TRIOBP: variants seen among roughly 807,000 people sequenced by gnomAD.
TRIOBP encodes TRIO and F-actin binding protein, also known as TRIO and F-actin-binding protein.
TRIOBP carries 169 observed loss-of-function variants against 238.8 expected under a neutral mutation model. The observed-to-expected ratio is 0.71, with a 90% CI of 0.62 to 0.80. The LOEUF is 0.80. Ranked by LOEUF, TRIOBP falls within the 30% of genes least tolerant of loss-of-function variation. The probability of loss-of-function intolerance (pLI) is 0.00; values close to 1 mark genes in which losing one functional copy is unlikely to be tolerated. For synonymous variants in TRIOBP, 1,150 were observed against 1,274.4 expected (o/e 0.90, Z 2.08); for missense variants, 2,838 against 3,122.6 (o/e 0.91, Z 2.17).
intron 7 of TRIOBP, among the ~76,000 whole-genome samples, chr22:37,730,946 CAAAA>C (rs11316099): frequency 2.4e-5 from 2 of 83,844 alleles, no homozygotes; most frequent in Non-Finnish European, 2.3e-5. Context: ...GACTCCATCT[CAAAA>C]AAAAAAAAAA....
Position 37,715,910 on chromosome 22 carries a change from G to C in TRIOBP, c.604G>C (p.Asp202His), listed in dbSNP as rs1165334985. 5.0e-6 allele frequency: 8 copies of C among 1,612,962 alleles called. No individual in the cohort carries two copies. The South Asian group carries it at 8.8e-5, about 18-fold the overall frequency. The change falls in exon 6 of 24, where the codon GAT (aspartate) becomes CAT (histidine). Residue 202 changes from aspartate to histidine, a missense_variant. Transcript: ENST00000644935. The part of the protein sequence containing the change: ...SLLTRSPVGG[D>H]AAGQKKEDTG... ...CCTCACCAGGTCCCCTGTGGGAGGAGATGCTGCAGGCCAGAAAAAGGAGGG... is the reference window on the plus strand; with the variant it reads ...CCTCACCAGGTCCCCTGTGGGAGGACATGCTGCAGGCCAGAAAAAGGAGGG...
At chr22:37,743,127 TG>T (rs1453232892) in intron 11 of TRIOBP, among the ~76,000 whole-genome samples, 3 of 152,124 alleles carry the variant, frequency 2.0e-5, no homozygotes, top group Non-Finnish European at 4.4e-5. Context: ...AACCGAGGCT[TG>T]GTGAGGTTGG....
At chr22:37,773,217 TTGG>T (rs1926873412) in intron 23 of TRIOBP, among the ~76,000 whole-genome samples, 1 of 151,534 alleles carries the variant, frequency 6.6e-6, no homozygotes, top group African/African-American at 2.4e-5. Context: ...GGTTGGTTGG[TTGG>T]TTGGTTTTGG....
At chr22:37,745,217 A>G (rs986504451) in intron 11 of TRIOBP, among the ~76,000 whole-genome samples, 4 of 152,194 alleles carry the variant, frequency 2.6e-5, no homozygotes, top group African/African-American at 7.2e-5. Context: ...TGAAATGCCA[A>G]TTATTCCAAG....
intron 7 of TRIOBP, among the ~76,000 whole-genome samples, chr22:37,728,671 C>G (rs1342084033): frequency 6.6e-6 from 1 of 152,176 alleles, no homozygotes; most frequent in African/African-American, 2.4e-5. Flanking sequence ...GATAGGTATG[C>G]TTGTTTCCAG....
chr22:37,721,999 G>A (rs1184537844), intron 6 of TRIOBP, among the ~76,000 whole-genome samples: 1 of 152,126 alleles, frequency 6.6e-6, no homozygotes, highest in Non-Finnish European at 1.5e-5. Flanking sequence ...TTAGGCCAGT[G>A]CTTCTGAAAC....
chr22:37,763,326 G>A (rs184293117), intron 17 of TRIOBP, among the ~76,000 whole-genome samples: 6 of 152,342 alleles, frequency 3.9e-5, no homozygotes, highest in African/African-American at 1.4e-4. Context: ...ACTCCAAGGC[G>A]CAGCCAGGGT....
chr22:37,720,784 A>G (rs1923782083), intron 6 of TRIOBP, among the ~76,000 whole-genome samples: 1 of 152,078 alleles, frequency 6.6e-6, no homozygotes, highest in South Asian at 2.1e-4. Flanking sequence ...AAATGTTGGA[A>G]TTACAGGTGT....
At position 37,759,455 on chromosome 22, in the gene TRIOBP, G is replaced by A. The variant is rs181741158; in HGVS notation, c.6324+191G>A. 1.8e-4 allele frequency: 267 copies of A among 1,486,872 alleles called. No homozygotes were observed. In the South Asian group the frequency reaches 2.4e-3, roughly 13 times the overall value. 92.1% of individuals were successfully genotyped at this position (1,486,872 alleles called of 1,614,324 possible). A position where few individuals can be genotyped will look rare whatever the true frequency, so the allele number is the denominator to read the frequency against. On this transcript the variant is annotated intron_variant, in intron 17 of 23. Transcript: ENST00000644935. ...TCACTGTGCCCGTTTTACAGACAAG[G>A]CCACTGAGCTCTGAGAGGTTATGTG...
chr22:37,746,121 T>G (rs1204714671), intron 11 of TRIOBP: 2 of 901,608 alleles, frequency 2.2e-6, no homozygotes, highest in South Asian at 5.1e-5. Context: ...CCCCGGCCCG[T>G]CTCGCGCTTC....
Position 37,738,735 on chromosome 22 carries a change from G to A in TRIOBP, c.5184+16G>A. 2 of 1,613,664 alleles carry A rather than the reference G, an allele frequency of 1.2e-6. No homozygotes were observed. The highest frequency in any genetic ancestry group is 1.7e-6 in the Non-Finnish European group (2 of 1,179,722). ...GGCAGACTCGGTAGCTGGGTCATGG[G>A]TGTGGGTACATACGGTGGGGAAGGG... is the stretch of plus-strand genomic sequence containing the variant. On this transcript the variant is annotated intron_variant, in intron 10 of 23. Coordinates refer to ENST00000644935, the MANE Select transcript of TRIOBP (RefSeq NM_001039141.3).
Position 37,710,586 on chromosome 22 carries a change from C to G in TRIOBP, c.254+20C>G. ...CAAGAGGTGGGTAGAGTCCCAGGGCCCAGGAAGGGCTTCATGGGGTGGAAT... is the reference window on the plus strand; with the variant it reads ...CAAGAGGTGGGTAGAGTCCCAGGGCGCAGGAAGGGCTTCATGGGGTGGAAT... On this transcript the variant is annotated intron_variant, in intron 4 of 23. Transcript: ENST00000644935. 6.2e-7 allele frequency: 1 copy of G among 1,603,750 alleles called. No individual in the cohort carries two copies. The highest frequency in any genetic ancestry group is 8.5e-7 in the Non-Finnish European group (1 of 1,177,366).
Position 37,726,394 on chromosome 22 carries a change from A to G in TRIOBP, c.3838A>G (p.Arg1280Gly). The part of the protein sequence containing the change: ...YTVLADLPPP[R>G]RLAQRQPGPQ... Reference sequence around the variant, plus strand: ...TGTGCTGGCCGACCTGCCCCCACCCAGGAGGCTGGCCCAGAGACAGCCAGG... The same window carrying G: ...TGTGCTGGCCGACCTGCCCCCACCCGGGAGGCTGGCCCAGAGACAGCCAGG... Residue 1280 changes from arginine to glycine, a missense_variant, in exon 7 of 24, where the codon AGG becomes GGG. By Grantham distance (125) the Arg-to-Gly change is moderately radical. Coordinates refer to ENST00000644935, the MANE Select transcript of TRIOBP (RefSeq NM_001039141.3). 1 of 1,587,462 alleles carries G rather than the reference A, an allele frequency of 6.3e-7. No homozygotes were observed. Among genetic ancestry groups the G allele is most frequent in the Non-Finnish European group, 8.6e-7 (1 of 1,166,492 alleles).
chr22:37,765,838 A>G (rs981188008), intron 18 of TRIOBP, 21 bp downstream of exon 18: 2 of 1,539,908 alleles, frequency 1.3e-6, no homozygotes, highest in South Asian at 1.2e-5. Flanking sequence ...TGGGGGGGGC[A>G]CAGTGGGCTG....
intron 6 of TRIOBP, among the ~76,000 whole-genome samples, chr22:37,717,892 C>T (rs745895043): frequency 9.2e-5 from 14 of 152,210 alleles, no homozygotes; most frequent in Non-Finnish European, 1.8e-4. Flanking sequence ...GGAGCAGGGG[C>T]GGCGCTCATC....
At position 37,719,096 on chromosome 22, in the gene TRIOBP, G is replaced by A. The variant is rs375843885; in HGVS notation, c.628+3162G>A. Among the ~76,000 whole-genome samples, 39 of 151,144 alleles carry A rather than the reference G, an allele frequency of 2.6e-4. No individual in the cohort carries two copies. The East Asian group carries it at 4.6e-3, about 18-fold the overall frequency. ...GACACGCCTATAGTCCCAGTTACTC[G>A]GGATGCTGAGGCAGGAGGATCGCTT... On this transcript the variant is annotated intron_variant, in intron 6 of 23. Transcript: ENST00000644935.
At chr22:37,711,713 G>T (rs1440126637) in intron 4 of TRIOBP, among the ~76,000 whole-genome samples, 1 of 152,054 alleles carries the variant, frequency 6.6e-6, no homozygotes, top group African/African-American at 2.4e-5. Flanking sequence ...CTTTCCTGCA[G>T]GACTTGTCAG....
chr22:37,698,497 G>A (rs915430415), intron 2 of TRIOBP, among the ~76,000 whole-genome samples: 3 of 150,620 alleles, frequency 2.0e-5, no homozygotes, highest in East Asian at 2.0e-4. Flanking sequence ...GGGATTACAG[G>A]CATGCGCACC....
chr22:37,767,900 C>T (rs1326865335), intron 18 of TRIOBP, among the ~76,000 whole-genome samples, 174 bp from the exon 19 acceptor site: 1 of 152,160 alleles, frequency 6.6e-6, no homozygotes, highest in Non-Finnish European at 1.5e-5. Flanking sequence ...ACTCTAGACT[C>T]CTGGTTCGGT....
Sources: allele counts gnomAD v4.1 joint callset (sites outside exome capture counted in the v4.1 genomes callset), GRCh38; gene constraint gnomAD v4.1.1; transcripts MANE v1.5; gene names NCBI Gene and HGNC (gene_info 2026-07-23, HGNC 2026-07-21).